The following RASSF3 variants were observed in gnomAD, a reference collection of about 807,000 sequenced individuals.
RASSF3 encodes Ras association domain family member 3.
Under a neutral mutation model 19.9 loss-of-function variants are expected in RASSF3, and 19 were observed. The observed-to-expected ratio is 0.96, with a 90% confidence interval of 0.67 to 1.40. The LOEUF (loss-of-function observed/expected upper bound fraction) is 1.40. Ranked by LOEUF, RASSF3 falls within the 40% of genes most tolerant of loss-of-function variation. The pLI is 0.00. For synonymous variants in RASSF3, 110 were observed against 104.2 expected (o/e 1.06, Z -0.34); for missense variants, 306 against 289.8 (o/e 1.06, Z -0.41).
At chr12:64,577,640 A>G (rs1407725700) in intron 2 of RASSF3, among the ~76,000 whole-genome samples, 5 of 152,096 alleles carry the variant, frequency 3.3e-5, no homozygotes, top group Non-Finnish European at 5.9e-5. Context: ...GCTGAGGCAC[A>G]AGAATCTCTT....
At chr12:64,517,443 C>A (rs893935782) in intron 1 of RASSF3, among the ~76,000 whole-genome samples, 1 of 151,828 alleles carries the variant, frequency 6.6e-6, no homozygotes, top group African/African-American at 2.4e-5. Flanking sequence ...AAGATATTAA[C>A]CCTACCAGAT....
intron 1 of RASSF3, among the ~76,000 whole-genome samples, chr12:64,625,847 C>G (rs1391616783): frequency 6.6e-6 from 1 of 152,266 alleles, no homozygotes; most frequent in African/African-American, 2.4e-5. Flanking sequence ...TGCTCCAGTG[C>G]AGGCATTAAA....
At chr12:64,535,631 G>A (rs1592392876) in intron 1 of RASSF3, among the ~76,000 whole-genome samples, 2 of 151,586 alleles carry the variant, frequency 1.3e-5, no homozygotes, top group Non-Finnish European at 2.9e-5. Flanking sequence ...CTCCCAAAGT[G>A]CTGGGATTAC....
chr12:64,662,040 T>C (rs1485905517), intron 1 of RASSF3, among the ~76,000 whole-genome samples: 1 of 151,188 alleles, frequency 6.6e-6, no homozygotes, highest in Non-Finnish European at 1.5e-5. Context: ...CAAGCCTTGC[T>C]CTAGATGCTG....
chr12:64,598,167 C>T (rs1870026317), intron 2 of RASSF3, among the ~76,000 whole-genome samples: 4 of 152,200 alleles, frequency 2.6e-5, no homozygotes, highest in Non-Finnish European at 1.5e-5. Context: ...GACTTGCCCA[C>T]TTTGGCCTCT....
At chr12:64,660,073 TATGTATATATATATACAC>T (rs1435215441) in intron 1 of RASSF3, among the ~76,000 whole-genome samples, 2 of 151,462 alleles carry the variant, frequency 1.3e-5, no homozygotes, top group African/African-American at 4.9e-5. Flanking sequence ...TGTGTGTGTG[TATGTATATATATATACAC>T]ATACACGCAC....
At chr12:64,626,300 C>G (rs959622745) in intron 1 of RASSF3, among the ~76,000 whole-genome samples, 1 of 151,654 alleles carries the variant, frequency 6.6e-6, no homozygotes, top group African/African-American at 2.4e-5. Context: ...TTTGGGAGGC[C>G]GAGGTGGGCA....
chr12:64,651,385 G>A (rs1042302180), intron 1 of RASSF3, among the ~76,000 whole-genome samples: 4 of 152,082 alleles, frequency 2.6e-5, no homozygotes, highest in African/African-American at 9.7e-5. Context: ...TTGAGATGAA[G>A]TCTCACTCTG....
At chr12:64,551,377 C>T (rs1000339561) in intron 2 of RASSF3, among the ~76,000 whole-genome samples, 1 of 152,114 alleles carries the variant, frequency 6.6e-6, no homozygotes, top group East Asian at 1.9e-4. Context: ...GAGTTTGAGA[C>T]CAGGCTGGGC....
At chr12:64,638,682 C>G (rs1592436852) in intron 1 of RASSF3, among the ~76,000 whole-genome samples, 1 of 152,138 alleles carries the variant, frequency 6.6e-6, no homozygotes, top group African/African-American at 2.4e-5. Flanking sequence ...ATTGCTGGCC[C>G]CATTTGTTCT....
chr12:64,605,850 T>G (rs1870181816), upstream of RASSF3, among the ~76,000 whole-genome samples: 1 of 141,512 alleles, frequency 7.1e-6, no homozygotes, highest in East Asian at 2.1e-4. Flanking sequence ...ATTGCACCAT[T>G]GCACTCCAGC....
At chr12:64,515,325 G>T (rs929393088) in intron 1 of RASSF3, among the ~76,000 whole-genome samples, 1 of 152,172 alleles carries the variant, frequency 6.6e-6, no homozygotes, top group African/African-American at 2.4e-5. Flanking sequence ...CCAAAGGCAT[G>T]ATTACAGGCA....
At chr12:64,670,091 A>G (rs1186490746) in intron 1 of RASSF3, among the ~76,000 whole-genome samples, 1 of 151,258 alleles carries the variant, frequency 6.6e-6, no homozygotes, top group Admixed American at 6.6e-5. Context: ...GCATATCTTT[A>G]CCTGAGGGAG....
intron 1 of RASSF3, among the ~76,000 whole-genome samples, chr12:64,641,400 G>GCACACACACACACACACA (rs530475322): frequency 1.3e-3 from 137 of 106,912 alleles, no homozygotes; most frequent in African/African-American, 2.7e-3. Flanking sequence ...TGTCTCACAG[G>GCACACACACACACACACA]CGCACACACA....
At chr12:64,513,091 C>G (rs1868338170) in intron 1 of RASSF3, among the ~76,000 whole-genome samples, 1 of 152,076 alleles carries the variant, frequency 6.6e-6, no homozygotes, top group Non-Finnish European at 1.5e-5. Context: ...GAAATGTTCT[C>G]AGAGACTAAC....
intron 2 of RASSF3, among the ~76,000 whole-genome samples, chr12:64,586,491 G>GAAAAAAAAAAA (rs10708538): frequency 2.1e-4 from 15 of 70,108 alleles, no homozygotes; most frequent in Non-Finnish European, 2.4e-4. Context: ...CTCCTTCTCA[G>GAAAAAAAAAAA]AAAAAAAAAA....
At chr12:64,691,986 AG>A (rs369400065) in intron 4 of RASSF3, among the ~76,000 whole-genome samples, 19 of 152,286 alleles carry the variant, frequency 1.2e-4, no homozygotes, top group African/African-American at 2.9e-4. Flanking sequence ...TCCCTTCTAA[AG>A]GGATATAAAA....
chr12:64,684,809 C>T lies in RASSF3; in HGVS notation c.134C>T (p.Thr45Ile), dbSNP rs781417335. ...TAGGATGTTGAGAAAGAGAAGGAAA[C>T]CCACAGTTACCTCAGCAAAGAGGAG... is the stretch of plus-strand genomic sequence containing the variant. ...GQQDVEKEKE[T>I]HSYLSKEEIK... The change falls in exon 2 of 5, where the codon ACC becomes ATC. Residue 45 changes from threonine to isoleucine, a missense_variant. Coordinates refer to ENST00000542104, the MANE Select transcript of RASSF3 (RefSeq NM_178169.4). 1.7e-5 allele frequency: 28 copies of T among 1,611,758 alleles called. No homozygotes were observed. The highest frequency in any genetic ancestry group is 2.3e-5 in the Non-Finnish European group (27 of 1,178,134).
At chr12:64,634,651 C>T (rs944052947) in intron 1 of RASSF3, among the ~76,000 whole-genome samples, 2 of 151,464 alleles carry the variant, frequency 1.3e-5, no homozygotes, top group African/African-American at 4.9e-5. Context: ...TTCTCGGCTA[C>T]TCCGGAGGCT....
Sources: allele counts gnomAD v4.1 joint callset (sites outside exome capture counted in the v4.1 genomes callset), GRCh38; gene constraint gnomAD v4.1.1; transcripts MANE v1.5; gene names NCBI Gene and HGNC (gene_info 2026-07-23, HGNC 2026-07-21).